The following FBXW7 variants were observed in gnomAD, a reference collection of about 807,000 sequenced individuals.
FBXW7 encodes the protein F-box/WD repeat-containing protein 7.
In FBXW7, 11 loss-of-function variants were observed where a neutral mutation model predicts 86.3. The observed-to-expected ratio is 0.13, with a 90% confidence interval of 0.08 to 0.21. The LOEUF (loss-of-function observed/expected upper bound fraction) is 0.21. Ranked by LOEUF, FBXW7 falls within the 10% of genes least tolerant of loss-of-function variation. The pLI is 1.00. For missense variants in FBXW7, 488 were observed against 847.4 expected, an observed-to-expected ratio of 0.58 and a Z score of 5.27; for synonymous variants, 313 against 297.9, an observed-to-expected ratio of 1.05 and a Z score of -0.52.
Position 152,326,250 on chromosome 4 carries a change from A to AAAAAC in FBXW7, c.1419-24_1419-20dup, listed in dbSNP as rs745947866. 6.3e-6 allele frequency: 10 copies of AAAAAC among 1,591,886 alleles called. No homozygotes were observed. Among genetic ancestry groups the AAAAAC allele is most frequent in the East Asian group, 2.2e-5 (1 of 44,544 alleles). On this transcript the variant is annotated intron_variant, in intron 11 of 13. Coordinates refer to ENST00000281708, the MANE Select transcript of FBXW7 (RefSeq NM_001349798.2). ...AACAACTCTGCAGAGGGAGAAACAGAAAAACAAAACAAAACAAAAAAACCC... is the reference window on the plus strand; with the variant it reads ...AACAACTCTGCAGAGGGAGAAACAGAAAAACAAAACAAAACAAAACAAAAAAACCC...
intron 2 of FBXW7, among the ~76,000 whole-genome samples, chr4:152,457,267 A>G (rs1299806996): frequency 3.3e-5 from 5 of 152,210 alleles, no homozygotes; most frequent in African/African-American, 9.7e-5. Context: ...AGGGTGATGT[A>G]TATATTCACT....
intron 2 of FBXW7, among the ~76,000 whole-genome samples, chr4:152,516,736 T>C (rs963402229): frequency 1.3e-5 from 2 of 152,258 alleles, no homozygotes; most frequent in African/African-American, 2.4e-5. Context: ...TAATTTTTAA[T>C]TTTTTAAAGA....
chr4:152,397,707 A>C (rs942791371), intron 4 of FBXW7, among the ~76,000 whole-genome samples: 3 of 150,436 alleles, frequency 2.0e-5, no homozygotes, highest in Non-Finnish European at 4.5e-5. Flanking sequence ...AAAAAAAAAA[A>C]AAAAAAAAAA....
chr4:152,370,260 A>G (rs1007074269), intron 4 of FBXW7, among the ~76,000 whole-genome samples: 1 of 152,024 alleles, frequency 6.6e-6, no homozygotes, highest in East Asian at 1.9e-4. Flanking sequence ...CATGTTCAAG[A>G]CTAGCAAAGG....
intron 2 of FBXW7, among the ~76,000 whole-genome samples, chr4:152,473,545 C>T (rs996447972): frequency 6.6e-6 from 1 of 152,100 alleles, no homozygotes; most frequent in Admixed American, 6.6e-5. Flanking sequence ...AGTGCAGTGG[C>T]ATTACCATAG....
chr4:152,346,768 T>A, intron 6 of FBXW7, 162 bp downstream of exon 6: 1 of 855,916 alleles, frequency 1.2e-6, no homozygotes, highest in Non-Finnish European at 1.8e-6. Context: ...AGAATCAACA[T>A]GTGGCCTTTT....
At chr4:152,456,171 T>C (rs1054649184) in intron 2 of FBXW7, among the ~76,000 whole-genome samples, 1 of 151,844 alleles carries the variant, frequency 6.6e-6, no homozygotes, top group African/African-American at 2.4e-5. Flanking sequence ...AAAGGACTAG[T>C]ATTTAGCACA....
intron 4 of FBXW7, among the ~76,000 whole-genome samples, chr4:152,410,166 A>G (rs933053776): frequency 2.0e-5 from 3 of 152,190 alleles, no homozygotes; most frequent in Non-Finnish European, 4.4e-5. Context: ...CTCTTTCTGA[A>G]ATAAGTTAGT....
chr4:152,441,320 A>AT (rs1424910682), intron 2 of FBXW7, among the ~76,000 whole-genome samples: 1 of 151,968 alleles, frequency 6.6e-6, no homozygotes, highest in African/African-American at 2.4e-5. Context: ...AGTAGCTTTG[A>AT]TTTTCTCTAC....
intron 2 of FBXW7, among the ~76,000 whole-genome samples, chr4:152,507,322 T>C (rs75141269): frequency 0.014 from 2,085 of 152,280 alleles, 26 homozygotes; most frequent in Middle Eastern, 0.037. Flanking sequence ...CATTCCTATA[T>C]CATATAATAT....
At chr4:152,520,205 G>C (rs571749858) in intron 2 of FBXW7, among the ~76,000 whole-genome samples, 1 of 151,356 alleles carries the variant, frequency 6.6e-6, no homozygotes, top group Non-Finnish European at 1.5e-5. Flanking sequence ...AGGCCGAGGC[G>C]GGTGGATCAT....
chr4:152,350,584 C>T (rs1731713058), intron 4 of FBXW7, among the ~76,000 whole-genome samples: 1 of 151,598 alleles, frequency 6.6e-6, no homozygotes, highest in Admixed American at 6.6e-5. Context: ...AAGTAACAAA[C>T]TCAATTTTAA....
intron 4 of FBXW7, among the ~76,000 whole-genome samples, chr4:152,380,312 G>A (rs1242377125): frequency 6.6e-6 from 1 of 151,850 alleles, no homozygotes; most frequent in Non-Finnish European, 1.5e-5. Flanking sequence ...CACAGAAAAT[G>A]TAAATCAACT....
At chr4:152,436,781 A>G (rs1424106164) in intron 2 of FBXW7, among the ~76,000 whole-genome samples, 3 of 152,258 alleles carry the variant, frequency 2.0e-5, no homozygotes, top group Admixed American at 6.5e-5. Context: ...TACAAATGGA[A>G]TAACAGAGCC....
intron 4 of FBXW7, among the ~76,000 whole-genome samples, chr4:152,350,498 C>T (rs1480935879): frequency 2.0e-5 from 3 of 151,566 alleles, no homozygotes; most frequent in Non-Finnish European, 4.4e-5. Context: ...GTGCCTTCCT[C>T]GTGAATCATT....
At chr4:152,437,307 G>A (rs1274203018) in intron 2 of FBXW7, among the ~76,000 whole-genome samples, 7 of 151,784 alleles carry the variant, frequency 4.6e-5, no homozygotes, top group Non-Finnish European at 1.0e-4. Flanking sequence ...CCCGGCAGGC[G>A]CAAGTTGCAG....
At chr4:152,517,316 A>C (rs1748587048) in intron 2 of FBXW7, among the ~76,000 whole-genome samples, 1 of 152,200 alleles carries the variant, frequency 6.6e-6, no homozygotes, top group African/African-American at 2.4e-5. Context: ...CTATTTAAAA[A>C]AAGGAAACAC....
rs750480880 is a variant in FBXW7 at position 152,330,845 on chromosome 4, T to G, written c.1009A>C (p.Lys337Gln). 3.7e-6 allele frequency: 6 copies of G among 1,612,178 alleles called. No individual in the cohort carries two copies. The highest frequency in any genetic ancestry group is 4.2e-6 in the Non-Finnish European group (5 of 1,178,672). Residue 337 changes from lysine (K) to glutamine (Q), a missense_variant, in exon 9 of 14, where the codon AAG becomes CAG. By Grantham distance (53) the Lys-to-Gln change is moderately conservative (BLOSUM62 1). Transcript: ENST00000281708. ...EEGIDEPLHI[K>Q]RRKVIKPGFI... ...CCTGGTTTTATTACTTTTCTTCTCTTGATGTGCAATGGTTCATCAATCCCT... is the reference window on the plus strand; with the variant it reads ...CCTGGTTTTATTACTTTTCTTCTCTGGATGTGCAATGGTTCATCAATCCCT...
At chr4:152,436,652 GCTGA>G (rs1163192189) in intron 2 of FBXW7, among the ~76,000 whole-genome samples, 1 of 152,212 alleles carries the variant, frequency 6.6e-6, no homozygotes, top group Non-Finnish European at 1.5e-5. Context: ...TAAAGGACAG[GCTGA>G]CTCTCTTGTT....
Sources: allele counts gnomAD v4.1 joint callset (sites outside exome capture counted in the v4.1 genomes callset), GRCh38; gene constraint gnomAD v4.1.1; transcripts MANE v1.5; gene names NCBI Gene and HGNC (gene_info 2026-07-23, HGNC 2026-07-21).